The following UNC13C variants were observed in gnomAD, a reference collection of about 807,000 sequenced individuals.
UNC13C encodes the protein unc-13 homolog C.
Under a neutral mutation model 245.4 loss-of-function variants are expected in UNC13C, and 174 were observed. That is an observed-to-expected ratio of 0.71 (90% CI 0.63 to 0.80). The LOEUF (loss-of-function observed/expected upper bound fraction) is 0.80. Among genes scored for constraint, UNC13C ranks in the 30% least tolerant of loss-of-function variants. The probability of loss-of-function intolerance (pLI) is 0.00; values close to 1 mark genes in which losing one functional copy is unlikely to be tolerated. For missense variants in UNC13C, 2,829 were observed against 2,602.9 expected, an observed-to-expected ratio of 1.09 and a Z score of -1.89; for synonymous variants, 992 against 895.1, an observed-to-expected ratio of 1.11 and a Z score of -1.93.
chr15:54,501,868 G>C (rs1031308045), intron 22 of UNC13C, among the ~76,000 whole-genome samples: 1 of 152,166 alleles, frequency 6.6e-6, no homozygotes, highest in Non-Finnish European at 1.5e-5. Context: ...CATGGGAAGG[G>C]CAGGGAGAAA....
At chr15:54,024,658 T>C (rs1347339565) in intron 2 of UNC13C, among the ~76,000 whole-genome samples, 3 of 152,058 alleles carry the variant, frequency 2.0e-5, no homozygotes, top group Middle Eastern at 3.4e-3. Flanking sequence ...GTGGCTCACG[T>C]CTGTAATCCC....
At chr15:54,503,959 A>G (rs902476136) in intron 22 of UNC13C, among the ~76,000 whole-genome samples, 1 of 152,230 alleles carries the variant, frequency 6.6e-6, no homozygotes, top group East Asian at 1.9e-4. Context: ...TGCATTTTAA[A>G]ATGGGATTTA....
chr15:54,340,367 T>C (rs947714542), intron 17 of UNC13C, among the ~76,000 whole-genome samples: 1 of 152,224 alleles, frequency 6.6e-6, no homozygotes, highest in African/African-American at 2.4e-5. Flanking sequence ...GCTAAGCCAA[T>C]GTCTAGAAGG....
chr15:54,508,439 G>A (rs1414191123), intron 23 of UNC13C, among the ~76,000 whole-genome samples: 1 of 151,988 alleles, frequency 6.6e-6, no homozygotes, highest in African/African-American at 2.4e-5. Context: ...TAAACACTGA[G>A]ATAAAAATCA....
In UNC13C at chr15:54,217,325, G is replaced by A. The variant is rs143079764; in HGVS notation, c.3072-17705G>A. 6.6e-5 allele frequency among the ~76,000 whole-genome samples: 10 copies of A among 152,062 alleles called. No individual in the cohort carries two copies. In the East Asian group the frequency reaches 1.7e-3, roughly 27 times the overall value. ...GCTCAACCAGGATGTGGCATCATCA[G>A]AGCTAAGGTGCCAACCAAGGATCAG... On this transcript the variant is annotated intron_variant, in intron 4 of 32. Transcript: ENST00000260323.
intron 30 of UNC13C, among the ~76,000 whole-genome samples, chr15:54,595,303 A>G (rs1214795211): frequency 3.3e-5 from 5 of 152,060 alleles, no homozygotes; most frequent in Admixed American, 6.5e-5. Flanking sequence ...GAGGCCACCC[A>G]TGGCTTCCCA....
At chr15:54,056,085 C>T (rs1174540548) in intron 2 of UNC13C, among the ~76,000 whole-genome samples, 2 of 152,096 alleles carry the variant, frequency 1.3e-5, no homozygotes, top group Non-Finnish European at 2.9e-5. Context: ...AGCTCCTCAC[C>T]AGCAACGGAA....
intron 4 of UNC13C, among the ~76,000 whole-genome samples, chr15:54,180,111 C>A (rs2033748044): frequency 6.6e-6 from 1 of 151,976 alleles, no homozygotes; most frequent in Non-Finnish European, 1.5e-5. Context: ...TTCCATCACC[C>A]AAGTACTGAA....
chr15:54,038,099 CATATATATAT>C (rs1399556197), intron 2 of UNC13C, among the ~76,000 whole-genome samples: 1 of 67,200 alleles, frequency 1.5e-5, no homozygotes, highest in Non-Finnish European at 2.5e-5. Flanking sequence ...TATACATATA[CATATATATAT>C]ATATATATAT....
At chr15:54,562,703 CTT>C (rs1204880128) in intron 29 of UNC13C, among the ~76,000 whole-genome samples, 1 of 152,052 alleles carries the variant, frequency 6.6e-6, no homozygotes, top group Admixed American at 6.6e-5. Flanking sequence ...GTGTGATAGA[CTT>C]TCAGATATCG....
chr15:54,305,747 A>G (rs2037709152), intron 13 of UNC13C, among the ~76,000 whole-genome samples: 1 of 152,032 alleles, frequency 6.6e-6, no homozygotes, highest in South Asian at 2.1e-4. Context: ...TCAGCTACAA[A>G]GAAGAAATGC....
intron 2 of UNC13C, among the ~76,000 whole-genome samples, chr15:54,090,086 C>T (rs185239472): frequency 6.6e-5 from 10 of 152,230 alleles, no homozygotes; most frequent in Non-Finnish European, 1.2e-4. Flanking sequence ...TTTCTTTCTC[C>T]GAAGACATGC....
chr15:54,223,687 G>C (rs914660751), intron 4 of UNC13C, among the ~76,000 whole-genome samples: 21 of 152,078 alleles, frequency 1.4e-4, no homozygotes, highest in Middle Eastern at 3.4e-3. Flanking sequence ...TTAGTATTTT[G>C]ATAGGGATTG....
intron 19 of UNC13C, chr15:54,416,910 A>AT (rs1374600724): frequency 1.1e-5 from 5 of 456,262 alleles, no homozygotes; most frequent in African/African-American, 4.0e-5. Context: ...TGCATGAGGG[A>AT]TTTTTTGGCC....
intron 19 of UNC13C, among the ~76,000 whole-genome samples, chr15:54,482,704 G>T (rs557025206): frequency 6.7e-6 from 1 of 148,202 alleles, no homozygotes; most frequent in Non-Finnish European, 1.5e-5. Context: ...CAAGTGCCAG[G>T]TACCTCTAGT....
At chr15:53,977,740 C>A (rs546797255), upstream of UNC13C, among the ~76,000 whole-genome samples, 1 of 152,290 alleles carries the variant, frequency 6.6e-6, no homozygotes, top group South Asian at 2.1e-4. Flanking sequence ...ACTCCCCCCA[C>A]CTCCTCTACT....
rs111464691 is a variant in UNC13C, at chr15:54,192,061, A to G, written c.3072-42969A>G. On this transcript the variant is annotated intron_variant, in intron 4 of 32. Transcript: ENST00000260323. ...TAGTTTAATTAGATCCCATTTGTCA[A>G]TTTTGGCTTTTGTTGCCATTGCTTT... Among the ~76,000 whole-genome samples, 920 of 152,108 alleles carry G rather than the reference A, an allele frequency of 6.0e-3. 53 individuals carry two copies. The East Asian group carries it at 0.11, about 18-fold the overall frequency.
intron 1 of UNC13C, among the ~76,000 whole-genome samples, chr15:54,001,744 A>C (rs1894897569): frequency 6.6e-6 from 1 of 152,242 alleles, no homozygotes; most frequent in Non-Finnish European, 1.5e-5. Context: ...GGAAACTGAG[A>C]AACAGAGAGA....
At chr15:54,097,464 T>C (rs540736064) in intron 2 of UNC13C, among the ~76,000 whole-genome samples, 1 of 152,330 alleles carries the variant, frequency 6.6e-6, no homozygotes, top group South Asian at 2.1e-4. Context: ...TACTGATGAA[T>C]TACAATGCCT....
Sources: allele counts gnomAD v4.1 joint callset (sites outside exome capture counted in the v4.1 genomes callset), GRCh38; gene constraint gnomAD v4.1.1; transcripts MANE v1.5; gene names NCBI Gene and HGNC (gene_info 2026-07-23, HGNC 2026-07-21).